The following LIMCH1 variants were observed in gnomAD, a reference collection of about 807,000 sequenced individuals.
LIMCH1 encodes the protein LIM and calponin homology domains 1.
A neutral mutation model predicts 176.5 loss-of-function variants in LIMCH1; 113 were observed. The observed-to-expected ratio is 0.64, with a 90% CI of 0.55 to 0.75. The LOEUF is 0.75. LIMCH1 is among the 30% of genes least tolerant of loss of function. The pLI is 0.00. For missense variants in LIMCH1, 1,674 were observed against 1,814.9 expected (o/e 0.92, Z 1.41); for synonymous variants, 619 against 645.9 (o/e 0.96, Z 0.63).
intron 1 of LIMCH1, among the ~76,000 whole-genome samples, chr4:41,569,981 A>G (rs922941769): frequency 6.6e-6 from 1 of 152,246 alleles, no homozygotes; most frequent in Admixed American, 6.5e-5. Flanking sequence ...AGACTAAATG[A>G]CAGCCATTTA....
chr4:41,546,983 C>T (rs920011808), intron 1 of LIMCH1, among the ~76,000 whole-genome samples: 10 of 152,066 alleles, frequency 6.6e-5, no homozygotes, highest in Non-Finnish European at 1.2e-4. Flanking sequence ...TTTGCATCTT[C>T]TTCTTCCTAT....
At chr4:41,460,461 T>C (rs1385485999) in intron 1 of LIMCH1, among the ~76,000 whole-genome samples, 2 of 140,168 alleles carry the variant, frequency 1.4e-5, no homozygotes, top group Admixed American at 1.4e-4. Flanking sequence ...TAATCATCTA[T>C]ATATATATAT....
chr4:41,645,892 A>G (rs748832387), intron 15 of LIMCH1, among the ~76,000 whole-genome samples: 6 of 152,244 alleles, frequency 3.9e-5, no homozygotes, highest in Non-Finnish European at 8.8e-5. Flanking sequence ...ATATTTAAAT[A>G]AATGTGCAGC....
chr4:41,491,902 A>T (rs13148027), intron 1 of LIMCH1, among the ~76,000 whole-genome samples: 1 of 120,168 alleles, frequency 8.3e-6, no homozygotes, highest in African/African-American at 3.1e-5. Flanking sequence ...GGGCAGAGGC[A>T]CTCCTCACGT....
chr4:41,531,094 C>T (rs1369587828), intron 3 of LIMCH1, among the ~76,000 whole-genome samples: 1 of 151,998 alleles, frequency 6.6e-6, no homozygotes, highest in Non-Finnish European at 1.5e-5. Flanking sequence ...TACATCTGTG[C>T]CTTTTCTACT....
At chr4:41,666,494 G>C in intron 20 of LIMCH1, 67 bp from the exon 21 acceptor site, 1 of 943,022 alleles carries the variant, frequency 1.1e-6, no homozygotes, top group Non-Finnish European at 1.7e-6. Flanking sequence ...TCCTTAAATT[G>C]TGTGTCACCT....
chr4:41,646,148 G>C lies in LIMCH1; in HGVS notation c.2279G>C (p.Arg760Thr). 6.2e-7 allele frequency: 1 copy of C among 1,613,030 alleles called. No individual in the cohort carries two copies. The change falls in exon 16 of 32, where the codon AGA (arginine) becomes ACA (threonine). Residue 760 changes from arginine to threonine, a missense_variant. Arg to Thr is a moderately conservative substitution (Grantham distance 71). Coordinates refer to ENST00000503057, the MANE Select transcript of LIMCH1 (RefSeq NM_001330672.2). Reference protein sequence around the residue: ...QDDLARWKSRRRSVSQDLIKK... With the variant: ...QDDLARWKSRTRSVSQDLIKK... ...GACCTGGCTCGTTGGAAGAGTCGTA[G>C]AAGAAGTGTTTCTCAGGACTTAATC...
rs561949846 is a variant in LIMCH1, at chr4:41,526,383, T to A, written c.237+1905T>A. 2.1e-4 allele frequency among the ~76,000 whole-genome samples: 32 copies of A among 151,954 alleles called. No individual in the cohort carries two copies. In the South Asian group the frequency reaches 6.7e-3, roughly 32 times the overall value. ...CAAAAAAATACTTTCTTAAGTAAAGTCACCTACTAACCCATTCACTAGTGA... is the reference window on the plus strand; with the variant it reads ...CAAAAAAATACTTTCTTAAGTAAAGACACCTACTAACCCATTCACTAGTGA... On this transcript the variant is annotated intron_variant, in intron 3 of 26. Coordinates refer to the LIMCH1 transcript ENST00000313860.
chr4:41,434,040 C>T (rs2061838236), intron 1 of LIMCH1, among the ~76,000 whole-genome samples: 1 of 152,122 alleles, frequency 6.6e-6, no homozygotes, highest in Non-Finnish European at 1.5e-5. Flanking sequence ...AAAAGGGGTA[C>T]ACTTCCAAGT....
At chr4:41,629,290 T>C (rs911923883) in intron 8 of LIMCH1, among the ~76,000 whole-genome samples, 2 of 152,204 alleles carry the variant, frequency 1.3e-5, no homozygotes, top group African/African-American at 4.8e-5. Context: ...AACCTCTGTC[T>C]CATTCAGAGT....
intron 1 of LIMCH1, among the ~76,000 whole-genome samples, chr4:41,567,904 C>T (rs985844466): frequency 9.3e-4 from 141 of 152,298 alleles, no homozygotes; most frequent in African/African-American, 3.2e-3. Context: ...CCTGTAATCC[C>T]AGCACTCTGG....
chr4:41,512,103 A>C (rs1330471618), intron 2 of LIMCH1, among the ~76,000 whole-genome samples: 1 of 152,224 alleles, frequency 6.6e-6, no homozygotes, highest in Non-Finnish European at 1.5e-5. Flanking sequence ...ATCGGAATAG[A>C]CACTTCTCCA....
chr4:41,525,228 G>GA (rs1338441699), intron 3 of LIMCH1, among the ~76,000 whole-genome samples: 1 of 145,244 alleles, frequency 6.9e-6, no homozygotes, highest in Non-Finnish European at 1.6e-5. Context: ...GCATATGTGT[G>GA]TGTGCGTGCA....
chr4:41,518,549 G>A (rs543632705), intron 2 of LIMCH1, among the ~76,000 whole-genome samples: 62 of 152,242 alleles, frequency 4.1e-4, no homozygotes, highest in African/African-American at 1.5e-3. Flanking sequence ...TCATTCCTGG[G>A]TGTCTCAACA....
chr4:41,596,538 T>C (rs1220974227), intron 1 of LIMCH1, among the ~76,000 whole-genome samples: 1 of 152,232 alleles, frequency 6.6e-6, no homozygotes, highest in Non-Finnish European at 1.5e-5. Context: ...AAGAAAGATG[T>C]TATATTTAAA....
chr4:41,630,854 G>A (rs976667762), intron 9 of LIMCH1, among the ~76,000 whole-genome samples: 2 of 152,096 alleles, frequency 1.3e-5, no homozygotes, highest in African/African-American at 4.8e-5. Flanking sequence ...CTACATTAAC[G>A]TAAGCATACC....
chr4:41,654,621 T>TG (rs1335017955), intron 18 of LIMCH1, among the ~76,000 whole-genome samples: 1 of 152,138 alleles, frequency 6.6e-6, no homozygotes, highest in Non-Finnish European at 1.5e-5. Flanking sequence ...GAGTTTAGTC[T>TG]GGGAAGGTTT....
At chr4:41,676,348 T>C (rs148784892) in intron 22 of LIMCH1, 34 bp from the exon 23 acceptor site, 1 of 1,578,700 alleles carries the variant, frequency 6.3e-7, no homozygotes, top group Non-Finnish European at 8.7e-7. Context: ...AGGACATGGC[T>C]CAATTCTGAT....
chr4:41,660,631 G>C (rs1585488328), intron 18 of LIMCH1, among the ~76,000 whole-genome samples: 1 of 152,226 alleles, frequency 6.6e-6, no homozygotes, highest in South Asian at 2.1e-4. Flanking sequence ...GGGAAGAACT[G>C]CTGCCATAAA....
Sources: allele counts gnomAD v4.1 joint callset (sites outside exome capture counted in the v4.1 genomes callset), GRCh38; gene constraint gnomAD v4.1.1; transcripts MANE v1.5; gene names NCBI Gene and HGNC (gene_info 2026-07-23, HGNC 2026-07-21).